GRB2: variants seen among roughly 807,000 people sequenced by gnomAD.
The protein encoded by GRB2 is growth factor receptor-bound protein 2.
GRB2 carries 2 observed loss-of-function variants against 27.4 expected under a neutral mutation model. The observed-to-expected ratio is 0.07, with a 90% confidence interval of 0.03 to 0.23. The LOEUF (loss-of-function observed/expected upper bound fraction) is 0.23. Among genes scored for constraint, GRB2 ranks in the 10% least tolerant of loss-of-function variants. The pLI, the probability that GRB2 is intolerant of heterozygous loss-of-function variation, is 1.00. For synonymous variants in GRB2, 94 were observed against 99.6 expected (o/e 0.94, Z 0.33); for missense variants, 102 against 282.4 (o/e 0.36, Z 4.58).
intron 2 of GRB2, among the ~76,000 whole-genome samples, chr17:75,382,006 C>T (rs1027950775): frequency 6.6e-6 from 1 of 151,994 alleles, no homozygotes; most frequent in African/African-American, 2.4e-5. Context: ...GGGTGGATCA[C>T]AGGGTCAAGA....
intron 1 of GRB2, among the ~76,000 whole-genome samples, chr17:75,402,612 A>G (rs532501365): frequency 6.6e-6 from 1 of 152,318 alleles, no homozygotes; most frequent in South Asian, 2.1e-4. Flanking sequence ...AGACTGATTC[A>G]CTGTGGGGTA....
intron 3 of GRB2, among the ~76,000 whole-genome samples, chr17:75,331,632 A>G (rs1368337613): frequency 1.3e-5 from 2 of 152,218 alleles, no homozygotes; most frequent in Non-Finnish European, 2.9e-5. Flanking sequence ...CCAGCAAACA[A>G]TAATGGCCTT....
Position 75,321,852 on chromosome 17 carries a change from G to A in GRB2, c.300-25C>T, listed in dbSNP as rs1386731576. ...CCTGGGAGGGACAGAAAGCACATGT[G>A]ACCGGCTAAAGGCTCTAACTTGGCA... On this transcript the variant is annotated intron_variant, in intron 4 of 5. Transcript: ENST00000316804. 2.5e-6 allele frequency: 4 copies of A among 1,610,628 alleles called. No individual in the cohort carries two copies. The East Asian group carries it at 8.9e-5, about 36-fold the overall frequency.
chr17:75,327,911 G>A (rs549343012), intron 3 of GRB2, among the ~76,000 whole-genome samples: 1 of 152,150 alleles, frequency 6.6e-6, no homozygotes, highest in South Asian at 2.1e-4. Flanking sequence ...GGATGCTGAG[G>A]AGCTGGGACA....
intron 5 of GRB2, among the ~76,000 whole-genome samples, chr17:75,321,132 C>G (rs1207552258): frequency 6.8e-6 from 1 of 147,364 alleles, no homozygotes; most frequent in Non-Finnish European, 1.5e-5. Flanking sequence ...CACACTGCCT[C>G]TGGAAAAGCA....
intron 1 of GRB2, among the ~76,000 whole-genome samples, chr17:75,397,880 C>T (rs1040514229): frequency 1.3e-5 from 2 of 151,598 alleles, no homozygotes; most frequent in African/African-American, 2.4e-5. Flanking sequence ...CTAGCTCTGT[C>T]GCCCAGGCTG....
Position 75,368,718 on chromosome 17 carries a change from T to A in GRB2, c.78+24833A>T, listed in dbSNP as rs568611109. Among the ~76,000 whole-genome samples, 18 of 152,136 alleles carry A rather than the reference T, an allele frequency of 1.2e-4. No homozygotes were observed. In the South Asian group the frequency reaches 2.7e-3, roughly 23 times the overall value. On this transcript the variant is annotated intron_variant, in intron 2 of 5. Coordinates refer to ENST00000316804, the MANE Select transcript of GRB2 (RefSeq NM_002086.5). ...TGCAACCATGCCCGGCTCATTTTTT[T>A]ATTTTTATTTTGTAGAAACGGAGTC... is the stretch of plus-strand genomic sequence containing the variant.
chr17:75,388,395 G>A (rs963249238), intron 2 of GRB2, among the ~76,000 whole-genome samples: 19 of 151,926 alleles, frequency 1.3e-4, no homozygotes, highest in Non-Finnish European at 1.3e-4. Context: ...GAGCCACCAC[G>A]CCTGACCACA....
intron 2 of GRB2, chr17:75,387,795 C>T (rs2078974096): frequency 6.7e-6 from 1 of 149,558 alleles, no homozygotes; most frequent in South Asian, 2.1e-4. Flanking sequence ...GAGACTTCGC[C>T]TAAAAAAAAA....
In GRB2 at chr17:75,376,026, G is replaced by GAA. The variant is rs58559493; in HGVS notation, c.78+17523_78+17524dup. On this transcript the variant is annotated intron_variant, in intron 2 of 5. Coordinates refer to ENST00000316804, the MANE Select transcript of GRB2 (RefSeq NM_002086.5). ...GGCGACAGAGCAAGACTCCGTCTCA[G>GAA]AAAAAAAAAAAAAAAAAAAAAATTA... Among the ~76,000 whole-genome samples, 549 of 65,166 alleles carry GAA rather than the reference G, an allele frequency of 8.4e-3. 9 individuals are homozygous for GAA. The highest frequency in any genetic ancestry group is 0.011 in the Non-Finnish European group (427 of 37,888). 42.8% of individuals were successfully genotyped at this position (65,166 alleles called of 152,430 possible). A position where few individuals can be genotyped will look rare whatever the true frequency, so the allele number is the denominator to read the frequency against.
intron 2 of GRB2, among the ~76,000 whole-genome samples, chr17:75,343,571 T>C (rs1025085829): frequency 3.3e-5 from 5 of 152,186 alleles, no homozygotes; most frequent in Non-Finnish European, 5.9e-5. Context: ...TGACCTCTTA[T>C]CATCAAGAGA....
chr17:75,376,846 A>G (rs183045310), intron 2 of GRB2, among the ~76,000 whole-genome samples: 75 of 151,732 alleles, frequency 4.9e-4, no homozygotes, highest in African/African-American at 1.8e-3. Context: ...TACAAAACAA[A>G]ACAAAACAAA....
Position 75,318,429 on chromosome 17 carries a change from G to A in GRB2, c.*1939C>T, listed in dbSNP as rs956936859. The A allele has an allele frequency of 2.6e-5, 4 of 152,228 alleles. No homozygotes were observed. Among genetic ancestry groups the A allele is most frequent in the African/African-American group, 7.2e-5 (3 of 41,458 alleles). The allele number at this position is 152,228 out of a possible 1,614,324, so 9.4% of individuals were successfully genotyped here. On this transcript the variant is annotated 3_prime_UTR_variant, in exon 6 of 6. Transcript: ENST00000316804. ...CCCTGTTCATATCTGGAGTCGGAGG[G>A]AGACTCCCATCGGCCGCTTTGGGAC...
chr17:75,334,332 G>A (rs550423890), intron 2 of GRB2, among the ~76,000 whole-genome samples: 110 of 151,978 alleles, frequency 7.2e-4, no homozygotes, highest in African/African-American at 2.6e-3. Flanking sequence ...CACCACGCCC[G>A]GCTAATTTTT....
At chr17:75,358,352 TTAC>T (rs1273242495) in intron 2 of GRB2, among the ~76,000 whole-genome samples, 2 of 152,326 alleles carry the variant, frequency 1.3e-5, no homozygotes, top group African/African-American at 4.8e-5. Context: ...CCAATTCATG[TTAC>T]TAAATATCTC....
At chr17:75,393,850 C>A (rs1018451441) in intron 1 of GRB2, 85 bp from the exon 2 acceptor site, 3 of 549,764 alleles carry the variant, frequency 5.5e-6, no homozygotes, top group Non-Finnish European at 9.6e-6. Flanking sequence ...TCCCAGCCCC[C>A]ACGCCCCCTG....
At chr17:75,337,205 G>A (rs1346611769) in intron 2 of GRB2, among the ~76,000 whole-genome samples, 1 of 152,168 alleles carries the variant, frequency 6.6e-6, no homozygotes, top group Non-Finnish European at 1.5e-5. Flanking sequence ...GCAAAACACA[G>A]GATGAACAAT....
At chr17:75,339,226 C>T (rs1405842909) in intron 2 of GRB2, 34 of 703,246 alleles carry the variant, frequency 4.8e-5, no homozygotes, top group Non-Finnish European at 7.1e-6. Context: ...CAGAGTCTTG[C>T]TCTGTTGCCC....
chr17:75,320,594 G>A lies in GRB2; in HGVS notation c.469-41C>T. The A allele has an allele frequency of 6.5e-7, 1 of 1,527,686 alleles. No individual in the cohort carries two copies. The highest frequency in any genetic ancestry group is 9.1e-7 in the Non-Finnish European group (1 of 1,103,572). 94.6% of individuals were successfully genotyped at this position (1,527,686 alleles called of 1,614,324 possible). A position where few individuals can be genotyped will look rare whatever the true frequency, so the allele number is the denominator to read the frequency against. The stretch of plus-strand genomic sequence containing the variant: ...AGGAAAAACCCACATTGCATTCCTG[G>A]TCTGTGACTGGCCACCTCCGAGGCC... On this transcript the variant is annotated intron_variant, in intron 5 of 5. Transcript: ENST00000316804. This position sits in a 1 kb window ranked among gnomAD's most constrained non-coding sequence, Gnocchi z 4.3.
Sources: allele counts gnomAD v4.1 joint callset (sites outside exome capture counted in the v4.1 genomes callset), GRCh38; gene constraint gnomAD v4.1.1; non-coding constraint Gnocchi (gnomAD v3.1); transcripts MANE v1.5; gene names NCBI Gene and HGNC (gene_info 2026-07-23, HGNC 2026-07-21).